LRRIQ1: variants seen among roughly 807,000 people sequenced by gnomAD.
LRRIQ1 encodes leucine-rich repeat- and IQ domain-containing protein 1.
LRRIQ1 carries 210 observed loss-of-function variants against 211.9 expected under a neutral mutation model. The ratio of observed to expected loss-of-function variants is 0.99; its 90% CI spans 0.89 to 1.11. LRRIQ1 has a LOEUF of 1.11. Among genes scored for constraint, LRRIQ1 ranks in the 50% most tolerant of loss-of-function variants. LRRIQ1 has a pLI of 0.00. For missense variants in LRRIQ1, 2,136 were observed against 1,939.5 expected (o/e 1.10, Z -1.90); for synonymous variants, 699 against 650.1 (o/e 1.08, Z -1.14).
At chr12:85,113,666 C>T (rs1485651539) in intron 15 of LRRIQ1, among the ~76,000 whole-genome samples, 2 of 152,054 alleles carry the variant, frequency 1.3e-5, no homozygotes, top group Admixed American at 1.3e-4. Context: ...TTTAATTTTA[C>T]ATTAGTGATT....
At chr12:85,107,798 TTAAG>T in intron 15 of LRRIQ1, among the ~76,000 whole-genome samples, 1 of 152,156 alleles carries the variant, frequency 6.6e-6, no homozygotes, top group South Asian at 2.1e-4. Context: ...TATTTTCTGT[TTAAG>T]TATCTACTCT....
intron 24 of LRRIQ1, among the ~76,000 whole-genome samples, chr12:85,183,804 G>A (rs938441772): frequency 5.9e-5 from 9 of 152,012 alleles, no homozygotes; most frequent in Non-Finnish European, 1.3e-4. Flanking sequence ...TAAAATACCT[G>A]AGCATGTCTT....
At chr12:85,150,577 T>A (rs1219247731) in intron 19 of LRRIQ1, among the ~76,000 whole-genome samples, 1 of 151,682 alleles carries the variant, frequency 6.6e-6, no homozygotes, top group Non-Finnish European at 1.5e-5. Flanking sequence ...TAGAAATAAA[T>A]GGCCGTATCT....
intron 11 of LRRIQ1, among the ~76,000 whole-genome samples, chr12:85,091,557 T>C (rs1885395265): frequency 6.6e-6 from 1 of 152,186 alleles, no homozygotes; most frequent in Non-Finnish European, 1.5e-5. Flanking sequence ...TTTTGGGGAC[T>C]TAGTCATAAA....
At chr12:85,079,125 A>G (rs1383675117) in intron 11 of LRRIQ1, among the ~76,000 whole-genome samples, 2 of 151,944 alleles carry the variant, frequency 1.3e-5, no homozygotes, top group African/African-American at 4.8e-5. Flanking sequence ...ACCAAATAGC[A>G]TTTTGGAATT....
chr12:85,119,199 G>A (rs957738169), intron 15 of LRRIQ1, among the ~76,000 whole-genome samples: 2 of 152,028 alleles, frequency 1.3e-5, no homozygotes, highest in African/African-American at 2.4e-5. Context: ...GACAACTAGC[G>A]ATCTTACTGT....
At position 85,185,263 on chromosome 12, in the gene LRRIQ1, A is replaced by G. The variant is rs564948658; in HGVS notation, c.4822+24549A>G. 4.6e-5 allele frequency among the ~76,000 whole-genome samples: 7 copies of G among 151,970 alleles called. No individual in the cohort carries two copies. The South Asian group carries it at 1.0e-3, about 23-fold the overall frequency. The stretch of plus-strand genomic sequence containing the variant: ...GCCAATTCCACACTTACAATTTTCT[A>G]ATTTGTTTTACTGTGTGTTTCATAT... On this transcript the variant is annotated intron_variant, in intron 24 of 26. Coordinates refer to ENST00000393217, the MANE Select transcript of LRRIQ1 (RefSeq NM_001079910.2).
intron 26 of LRRIQ1, among the ~76,000 whole-genome samples, chr12:85,243,856 T>G (rs1895590375): frequency 6.6e-6 from 1 of 151,530 alleles, no homozygotes; most frequent in Non-Finnish European, 1.5e-5. Context: ...TCCTTGAGTC[T>G]TTGTGGCTCA....
intron 26 of LRRIQ1, among the ~76,000 whole-genome samples, chr12:85,233,766 A>G: frequency 6.6e-6 from 1 of 152,292 alleles, no homozygotes; most frequent in African/African-American, 2.4e-5. Context: ...GCATTTTAAT[A>G]GAGACCTCTC....
In LRRIQ1 at chr12:85,047,277, A is replaced by G; in HGVS notation, c.485A>G (p.Glu162Gly). The G allele has an allele frequency of 6.2e-7, 1 of 1,601,232 alleles. No individual in the cohort carries two copies. The highest frequency in any genetic ancestry group is 8.5e-7 in the Non-Finnish European group (1 of 1,176,758). Reference protein sequence around the residue: ...DDADINFGYCEVEEKCRQSFE... With the variant: ...DDADINFGYCGVEEKCRQSFE... The stretch of plus-strand genomic sequence containing the variant: ...GCTGATATAAATTTTGGATACTGTG[A>G]AGTGGAAGAAAAATGTAGACAGTCT... Residue 162 changes from glutamate to glycine, a missense_variant, in exon 6 of 27, where the codon GAA (glutamate) becomes GGA (glycine). Glu to Gly is a moderately conservative substitution (Grantham distance 98, BLOSUM62 -2). Transcript: ENST00000393217.
chr12:85,038,433 ATAAAT>A, intron 2 of LRRIQ1, 125 bp downstream of exon 2: 2 of 477,028 alleles, frequency 4.2e-6, no homozygotes, highest in Non-Finnish European at 6.2e-6. Flanking sequence ...TTATATAAAT[ATAAAT>A]TATATTGAAT....
At chr12:85,075,057 T>C (rs1052182205) in intron 11 of LRRIQ1, among the ~76,000 whole-genome samples, 1 of 152,162 alleles carries the variant, frequency 6.6e-6, no homozygotes, top group Non-Finnish European at 1.5e-5. Context: ...TTAAGTGTTA[T>C]ACAGTAATAG....
chr12:85,203,672 C>G (rs1893404842), intron 24 of LRRIQ1, among the ~76,000 whole-genome samples: 1 of 151,976 alleles, frequency 6.6e-6, no homozygotes, highest in Non-Finnish European at 1.5e-5. Flanking sequence ...TGTGTCCCTG[C>G]CCTAGAGATT....
intron 24 of LRRIQ1, among the ~76,000 whole-genome samples, chr12:85,173,102 C>T (rs1425878449): frequency 1.3e-5 from 2 of 151,916 alleles, no homozygotes; most frequent in Middle Eastern, 3.2e-3. Context: ...AGCAAGATTC[C>T]GTCTCAAAAA....
chr12:85,095,403 TG>T, intron 11 of LRRIQ1, among the ~76,000 whole-genome samples: 1 of 152,332 alleles, frequency 6.6e-6, no homozygotes, highest in African/African-American at 2.4e-5. Context: ...TCTGCTTATG[TG>T]GTGAATTACA....
chr12:85,131,384 C>G (rs1218630831), intron 18 of LRRIQ1, among the ~76,000 whole-genome samples: 1 of 151,964 alleles, frequency 6.6e-6, no homozygotes, highest in Non-Finnish European at 1.5e-5. Flanking sequence ...CTTGTTTACT[C>G]TCAGTGTTTG....
At position 85,152,380 on chromosome 12, in the gene LRRIQ1, A is replaced by T; in HGVS notation, c.4419+11A>T. 1 of 1,604,292 alleles carries T rather than the reference A, an allele frequency of 6.2e-7. No individual in the cohort carries two copies. Among genetic ancestry groups the T allele is most frequent in the Non-Finnish European group, 8.5e-7 (1 of 1,173,460 alleles). On this transcript the variant is annotated intron_variant, in intron 20 of 26. Coordinates refer to ENST00000393217, the MANE Select transcript of LRRIQ1 (RefSeq NM_001079910.2). The stretch of plus-strand genomic sequence containing the variant: ...CTGCATTGGCCAAAGGTAACATGTC[A>T]TGGAAACTTCTGAGTCCTCGATCTT...
At chr12:85,238,700 T>A (rs557388506) in intron 26 of LRRIQ1, among the ~76,000 whole-genome samples, 1 of 152,220 alleles carries the variant, frequency 6.6e-6, no homozygotes, top group Admixed American at 6.5e-5. Flanking sequence ...AACAGATTTG[T>A]GGTAAAAATT....
intron 24 of LRRIQ1, among the ~76,000 whole-genome samples, chr12:85,161,120 A>C (rs1394008758): frequency 6.6e-6 from 1 of 152,044 alleles, no homozygotes; most frequent in Admixed American, 6.6e-5. Context: ...TATAAATTAT[A>C]CTCTGGAATT....
Sources: allele counts gnomAD v4.1 joint callset (sites outside exome capture counted in the v4.1 genomes callset), GRCh38; gene constraint gnomAD v4.1.1; transcripts MANE v1.5; gene names NCBI Gene and HGNC (gene_info 2026-07-23, HGNC 2026-07-21).